The following HMGN5 variants were observed in gnomAD, a reference collection of about 807,000 sequenced individuals.
HMGN5 encodes high mobility group nucleosome-binding domain-containing protein 5.
In HMGN5, 4 loss-of-function variants were observed where a neutral mutation model predicts 9.5. The observed-to-expected ratio is 0.42, with a 90% CI of 0.21 to 0.96. The LOEUF is 0.96. HMGN5 is among the 40% of genes least tolerant of loss of function. HMGN5 has a pLI of 0.30. For synonymous variants in HMGN5, 55 were observed against 57.1 expected (o/e 0.96, Z 0.16); for missense variants, 192 against 187.5 (o/e 1.02, Z -0.14).
chrX:81,138,505 A>G (rs775583294), intron 1 of HMGN5, among the ~76,000 whole-genome samples: 3 of 111,474 alleles, frequency 2.7e-5, no homozygotes, highest in Non-Finnish European at 5.7e-5. Context: ...CAACTTGATA[A>G]AGAACATGTA....
chrX:81,178,113 G>A (rs761429785), intron 1 of HMGN5, among the ~76,000 whole-genome samples: 11 of 111,705 alleles, frequency 9.8e-5, no homozygotes, highest in African/African-American at 2.9e-4. Flanking sequence ...GAGAAAGCAG[G>A]AAAGATCTCA....
At chrX:81,122,293 TGGA>T (rs1298760691) in intron 1 of HMGN5, among the ~76,000 whole-genome samples, 2 of 112,168 alleles carry the variant, frequency 1.8e-5, no homozygotes, top group African/African-American at 6.5e-5. Context: ...TTATCCCACT[TGGA>T]GGAGGTATAC....
chrX:81,148,992 G>C (rs1355732360), intron 1 of HMGN5, among the ~76,000 whole-genome samples: 1 of 111,800 alleles, frequency 8.9e-6, no homozygotes, highest in African/African-American at 3.3e-5. Flanking sequence ...ATGCTGGAGA[G>C]GATGTGGAGA....
chrX:81,189,477 T>C (rs1157459609), intron 1 of HMGN5, among the ~76,000 whole-genome samples: 1 of 112,309 alleles, frequency 8.9e-6, no homozygotes, highest in Non-Finnish European at 1.9e-5. Flanking sequence ...GTTGGAATCA[T>C]ACGGTATGTA....
intron 1 of HMGN5, among the ~76,000 whole-genome samples, chrX:81,127,912 G>A (rs1332342243): frequency 9.0e-6 from 1 of 111,206 alleles, no homozygotes; most frequent in Non-Finnish European, 1.9e-5. Flanking sequence ...TTCAACAAAG[G>A]TATTAAATTT....
At chrX:81,126,740 A>T (rs965880952) in intron 1 of HMGN5, among the ~76,000 whole-genome samples, 38 of 111,723 alleles carry the variant, frequency 3.4e-4, no homozygotes, top group African/African-American at 1.2e-3. Flanking sequence ...ATACATAGTT[A>T]TTGTTTAAAA....
At chrX:81,201,256 A>T (rs769402899) in intron 1 of HMGN5, among the ~76,000 whole-genome samples, 1 of 109,123 alleles carries the variant, frequency 9.2e-6, no homozygotes. Flanking sequence ...GGAACCTAAA[A>T]CTACACTTTG....
intron 1 of HMGN5, among the ~76,000 whole-genome samples, chrX:81,146,724 A>T (rs1464796098): frequency 2.7e-5 from 3 of 111,863 alleles, no homozygotes; most frequent in Admixed American, 9.5e-5. Context: ...TTTTTTGAAA[A>T]GATCAACAAA....
chrX:81,193,222 A>C (rs2075498878), intron 1 of HMGN5, among the ~76,000 whole-genome samples: 1 of 111,435 alleles, frequency 9.0e-6, no homozygotes, highest in Non-Finnish European at 1.9e-5. Flanking sequence ...TGCCTTGTTC[A>C]TTGGGCTGTA....
intron 1 of HMGN5, among the ~76,000 whole-genome samples, chrX:81,126,684 A>G (rs1051148435): frequency 9.0e-6 from 1 of 111,529 alleles, no homozygotes; most frequent in African/African-American, 3.3e-5. Context: ...AAGAGTTTCA[A>G]ACTTTCTTAC....
At chrX:81,117,949 A>T (rs1206760576) in intron 5 of HMGN5, among the ~76,000 whole-genome samples, 1 of 110,595 alleles carries the variant, frequency 9.0e-6, no homozygotes, top group Non-Finnish European at 1.9e-5. Context: ...ACCAGAGTAT[A>T]TAAGTCCATA....
chrX:81,177,135 A>G (rs1307516846), intron 1 of HMGN5, among the ~76,000 whole-genome samples: 1 of 109,619 alleles, frequency 9.1e-6, no homozygotes, highest in Non-Finnish European at 1.9e-5. Context: ...GGAGGCCAAT[A>G]TTCAACATTC....
At chrX:81,117,510 A>G (rs1298255699) in intron 5 of HMGN5, among the ~76,000 whole-genome samples, 1 of 110,370 alleles carries the variant, frequency 9.1e-6, no homozygotes, top group Non-Finnish European at 1.9e-5. Flanking sequence ...CTTCCAGAGT[A>G]CTCAGATTAC....
chrX:81,130,214 T>G (rs948199763), intron 1 of HMGN5, among the ~76,000 whole-genome samples: 6 of 110,938 alleles, frequency 5.4e-5, no homozygotes, highest in African/African-American at 2.0e-4. Context: ...GGTAACAAAG[T>G]AAGAGGGGAG....
chrX:81,145,278 G>A (rs2075340497), intron 1 of HMGN5, among the ~76,000 whole-genome samples: 1 of 111,746 alleles, frequency 8.9e-6, no homozygotes, highest in Non-Finnish European at 1.9e-5. Context: ...ACCCACAAGG[G>A]GAACCCATCA....
chrX:81,121,630 T>G lies in HMGN5; in HGVS notation c.-81A>C. On this transcript the variant is annotated 5_prime_UTR_variant, in exon 2 of 7. Coordinates refer to ENST00000358130, the MANE Select transcript of HMGN5 (RefSeq NM_030763.3). The stretch of plus-strand genomic sequence containing the variant: ...ACTGCCTGACTGCTCCAAGAGCAAA[T>G]GAGTTTTCAATGAACTAACTGCAGC... The G allele has an allele frequency of 5.3e-6, 4 of 756,879 alleles. No homozygotes were observed. Among genetic ancestry groups the G allele is most frequent in the Non-Finnish European group, 5.8e-6 (3 of 517,350 alleles). The allele number at this position is 756,879 out of a possible 1,213,427, so 62.4% of individuals were successfully genotyped here.
intron 1 of HMGN5, among the ~76,000 whole-genome samples, chrX:81,189,048 C>T (rs1267142251): frequency 9.0e-6 from 1 of 111,643 alleles, no homozygotes; most frequent in Non-Finnish European, 1.9e-5. Flanking sequence ...TCTTGTGGGA[C>T]AGGTCTGGTG....
At chrX:81,195,626 A>C (rs1366179356) in intron 1 of HMGN5, among the ~76,000 whole-genome samples, 1 of 111,455 alleles carries the variant, frequency 9.0e-6, no homozygotes, top group Non-Finnish European at 1.9e-5. Context: ...TCCAATGATA[A>C]CCAAATTTAT....
In HMGN5 at chrX:81,151,186, A is replaced by G. The variant is rs764854874; in HGVS notation, c.-123-29514T>C. Among the ~76,000 whole-genome samples the G allele has an allele frequency of 3.6e-5, 4 of 111,948 alleles. No individual in the cohort carries two copies. The East Asian group carries it at 1.1e-3, about 31-fold the overall frequency. On this transcript the variant is annotated intron_variant, in intron 1 of 6. Transcript: ENST00000358130. ...AAGAAAAGTAGCCAGTTTTCCCAGC[A>G]CCATTTGTTAAATAGGGAATCCTTT...
Sources: allele counts gnomAD v4.1 joint callset (sites outside exome capture counted in the v4.1 genomes callset), GRCh38; gene constraint gnomAD v4.1.1; transcripts MANE v1.5; gene names NCBI Gene and HGNC (gene_info 2026-07-23, HGNC 2026-07-21).